The following VWA8 variants were observed in gnomAD, a reference collection of about 807,000 sequenced individuals.
The protein encoded by VWA8 is von Willebrand factor A domain containing 8.
VWA8 carries 221 observed loss-of-function variants against 241.5 expected under a neutral mutation model. That is an observed-to-expected ratio of 0.91 (90% CI 0.82 to 1.02). The LOEUF is 1.02. Among genes scored for constraint, VWA8 ranks in the 50% least tolerant of loss-of-function variants. VWA8 has a pLI of 0.00. For missense variants in VWA8, 2,322 were observed against 2,328.7 expected (o/e 1.00, Z 0.06); for synonymous variants, 852 against 827.1 (o/e 1.03, Z -0.52).
At chr13:41,572,072 C>T (rs1012502479) in intron 43 of VWA8, among the ~76,000 whole-genome samples, 3 of 151,792 alleles carry the variant, frequency 2.0e-5, no homozygotes, top group Admixed American at 1.3e-4. Flanking sequence ...TGTCTCTGAT[C>T]GGCTGCCCCG....
chr13:41,960,793 G>T, intron 1 of VWA8, 60 bp downstream of exon 1: 1 of 1,466,728 alleles, frequency 6.8e-7, no homozygotes, highest in Non-Finnish European at 9.0e-7. Context: ...GCGGGGGCGC[G>T]CGGGGACCCG....
rs552241020 is a variant in VWA8, at chr13:41,885,567, T to C, written c.975+353A>G. Reference sequence around the variant, plus strand: ...CCATGACACAGAGACTGATGGAAGCTAGAACAGTGTGAAAGCCCTAGCTCC... The same window carrying C: ...CCATGACACAGAGACTGATGGAAGCCAGAACAGTGTGAAAGCCCTAGCTCC... On this transcript the variant is annotated intron_variant, in intron 8 of 44. Coordinates refer to ENST00000379310, the MANE Select transcript of VWA8 (RefSeq NM_015058.2). Among the ~76,000 whole-genome samples, 44 of 152,324 alleles carry C rather than the reference T, an allele frequency of 2.9e-4. 3 individuals are homozygous for C. Among genetic ancestry groups the C allele is most frequent in the African/African-American group, 1.0e-3 (42 of 41,568 alleles).
intron 34 of VWA8, among the ~76,000 whole-genome samples, chr13:41,685,964 AT>A (rs2045133585): frequency 6.6e-6 from 1 of 152,206 alleles, no homozygotes; most frequent in Non-Finnish European, 1.5e-5. Flanking sequence ...TTAAGGCTTT[AT>A]CTTTCATAGT....
At chr13:41,609,048 C>T (rs1019647640) in intron 39 of VWA8, among the ~76,000 whole-genome samples, 3 of 152,274 alleles carry the variant, frequency 2.0e-5, no homozygotes, top group East Asian at 1.9e-4. Flanking sequence ...CTTGTATGCA[C>T]GTGTGTGTCA....
intron 12 of VWA8, among the ~76,000 whole-genome samples, chr13:41,850,212 T>C (rs1872472043): frequency 6.6e-6 from 1 of 152,240 alleles, no homozygotes; most frequent in South Asian, 2.1e-4. Context: ...AAAGGCCTCC[T>C]AGTGTGTCTT....
At chr13:41,872,490 G>C (rs1391238986) in intron 9 of VWA8, among the ~76,000 whole-genome samples, 1 of 143,064 alleles carries the variant, frequency 7.0e-6, no homozygotes, top group Non-Finnish European at 1.6e-5. Flanking sequence ...TGTATAAGGT[G>C]TAAGGAAGGG....
intron 14 of VWA8, among the ~76,000 whole-genome samples, chr13:41,820,191 C>T (rs1476475280): frequency 6.6e-6 from 1 of 152,048 alleles, no homozygotes; most frequent in African/African-American, 2.4e-5. Context: ...AAAAACCCAG[C>T]AGAAATATGC....
intron 9 of VWA8, among the ~76,000 whole-genome samples, chr13:41,870,373 T>C (rs1177681366): frequency 6.6e-6 from 1 of 152,286 alleles, no homozygotes; most frequent in South Asian, 2.1e-4. Flanking sequence ...GCGCAAAGGC[T>C]AATGCCTATA....
intron 37 of VWA8, among the ~76,000 whole-genome samples, chr13:41,625,881 A>G (rs899665171): frequency 2.0e-5 from 3 of 151,906 alleles, no homozygotes; most frequent in African/African-American, 4.8e-5. Context: ...GCACATATAC[A>G]CCATGGAATA....
In VWA8 at chr13:41,865,991, G is replaced by T. The variant is rs149624650; in HGVS notation, c.1258C>A (p.Arg420Ser). The change falls in exon 11 of 45, where the codon CGT (arginine) becomes AGT (serine). Residue 420 changes from arginine (R) to serine (S), a missense_variant. By Grantham distance (110) the Arg-to-Ser change is moderately radical. Coordinates refer to ENST00000379310, the MANE Select transcript of VWA8 (RefSeq NM_015058.2). Reference protein sequence around the residue: ...RLLSQPCASDRFIQTLSHKQL... With the variant: ...RLLSQPCASDSFIQTLSHKQL... ...TTATGGCTCAAAGTCTGTATGAAAC[G>T]GTCTGACGCACAAGGTTGACTTAAT... 3.1e-6 allele frequency: 5 copies of T among 1,613,984 alleles called. No individual in the cohort carries two copies. The East Asian group carries it at 1.1e-4, about 36-fold the overall frequency.
At chr13:41,597,097 A>G (rs2044493723) in intron 40 of VWA8, among the ~76,000 whole-genome samples, 1 of 152,150 alleles carries the variant, frequency 6.6e-6, no homozygotes, top group Admixed American at 6.6e-5. Context: ...TATACATTCT[A>G]CAGAATAAAG....
At chr13:41,625,141 T>C (rs2044681142) in intron 37 of VWA8, among the ~76,000 whole-genome samples, 1 of 151,924 alleles carries the variant, frequency 6.6e-6, no homozygotes, top group African/African-American at 2.4e-5. Flanking sequence ...ACAATGAGAA[T>C]TACAAACACT....
At chr13:41,614,371 C>T (rs987523092) in intron 38 of VWA8, among the ~76,000 whole-genome samples, 4 of 152,164 alleles carry the variant, frequency 2.6e-5, no homozygotes. Flanking sequence ...GCTCCAGCTG[C>T]CGCAGAGGAA....
At chr13:41,879,225 T>C (rs1874049775) in intron 9 of VWA8, among the ~76,000 whole-genome samples, 1 of 152,168 alleles carries the variant, frequency 6.6e-6, no homozygotes, top group Admixed American at 6.5e-5. Context: ...AAGTGAACTA[T>C]ATTGTCAGAA....
intron 32 of VWA8, among the ~76,000 whole-genome samples, chr13:41,691,097 T>C (rs923708182): frequency 1.2e-4 from 19 of 152,024 alleles, no homozygotes; most frequent in Non-Finnish European, 1.8e-4. Flanking sequence ...TATGAAAAAG[T>C]CATGATTTTT....
Position 41,793,684 on chromosome 13 carries a change from T to C in VWA8, c.2064-6141A>G, listed in dbSNP as rs535639182. The stretch of plus-strand genomic sequence containing the variant: ...AAAAACAATTAGCTGGGCCTGGTGG[T>C]GCACGCCTGTAGCTCCAGCTACTCA... On this transcript the variant is annotated intron_variant, in intron 17 of 44. Coordinates refer to ENST00000379310, the MANE Select transcript of VWA8 (RefSeq NM_015058.2). 3.3e-5 allele frequency among the ~76,000 whole-genome samples: 5 copies of C among 152,160 alleles called. No homozygotes were observed. In the South Asian group the frequency reaches 1.0e-3, roughly 32 times the overall value.
intron 12 of VWA8, among the ~76,000 whole-genome samples, chr13:41,863,449 ATATATT>A (rs1593826257): frequency 1.8e-5 from 2 of 110,970 alleles, no homozygotes; most frequent in Admixed American, 9.4e-5. Context: ...ATATATATAT[ATATATT>A]CACACACACA....
Position 41,783,906 on chromosome 13 carries a change from A to G in VWA8, c.2171-5T>C. 4 of 1,608,712 alleles carry G rather than the reference A, an allele frequency of 2.5e-6. No homozygotes were observed. Among genetic ancestry groups the G allele is most frequent in the Non-Finnish European group, 3.4e-6 (4 of 1,175,496 alleles). ...GAGTTCCAGATGTTACTTCACCTAA[A>G]CATTTCACACAGGACGGATAATTAT... On this transcript the variant is annotated splice_region_variant and splice_polypyrimidine_tract_variant and intron_variant, in intron 18 of 44. Transcript: ENST00000379310.
chr13:41,960,561 G>A (rs1878562926), intron 1 of VWA8, among the ~76,000 whole-genome samples: 1 of 152,194 alleles, frequency 6.6e-6, no homozygotes, highest in Admixed American at 6.5e-5. Context: ...TCAGAATTCT[G>A]GGGGTAAAGG....
Sources: gnomAD v4.1 joint callset for allele counts (sites outside exome capture counted in the v4.1 genomes callset) on GRCh38, gnomAD v4.1.1 for gene constraint, MANE v1.5 for transcripts, NCBI Gene and HGNC (gene_info 2026-07-23, HGNC 2026-07-21) for gene names.